LRRTM4: variants seen among roughly 807,000 people sequenced by gnomAD.
LRRTM4 encodes leucine rich repeat transmembrane neuronal 4, also known as leucine-rich repeat transmembrane neuronal protein 4.
A neutral mutation model predicts 47.6 loss-of-function variants in LRRTM4; 25 were observed. That is an observed-to-expected ratio of 0.53 (90% confidence interval 0.38 to 0.73). The LOEUF is 0.73. Among genes scored for constraint, LRRTM4 ranks in the 30% least tolerant of loss-of-function variants. The pLI is 0.00. For synonymous variants in LRRTM4, 311 were observed against 269.5 expected, an observed-to-expected ratio of 1.15 and a Z score of -1.51; for missense variants, 638 against 713.4, an observed-to-expected ratio of 0.89 and a Z score of 1.20.
chr2:76,954,243 G>A (rs1171311286), intron 3 of LRRTM4, among the ~76,000 whole-genome samples: 1 of 151,838 alleles, frequency 6.6e-6, no homozygotes, highest in Non-Finnish European at 1.5e-5. Flanking sequence ...TAGGGAAATA[G>A]ATGTATATAA....
intron 3 of LRRTM4, among the ~76,000 whole-genome samples, chr2:76,935,259 G>A (rs768790560): frequency 4.6e-5 from 7 of 152,112 alleles, no homozygotes; most frequent in Non-Finnish European, 8.8e-5. Flanking sequence ...CTCTAGCCTC[G>A]TAGTATAGTG....
At chr2:77,373,088 A>AATATATAT (rs1553435843) in intron 3 of LRRTM4, among the ~76,000 whole-genome samples, 3 of 140,370 alleles carry the variant, frequency 2.1e-5, no homozygotes, top group Non-Finnish European at 3.1e-5. Context: ...TTAAAAAAAA[A>AATATATAT]ATATATATAT....
rs116113274 is a variant in LRRTM4 at position 77,306,696 on chromosome 2, A to G, written c.1551+211622T>C. Among the ~76,000 whole-genome samples, 1,154 of 152,196 alleles carry G rather than the reference A, an allele frequency of 7.6e-3. 10 individuals are homozygous for G. Among genetic ancestry groups the G allele is most frequent in the African/African-American group, 0.027 (1,103 of 41,482 alleles). On this transcript the variant is annotated intron_variant, in intron 3 of 3. Transcript: ENST00000409884. ...AACAATTATATTTGAGGATGGGTTC[A>G]ATATATTGACCCTGACTTTCAAATA...
intron 3 of LRRTM4, among the ~76,000 whole-genome samples, chr2:77,289,132 C>A (rs1045040380): frequency 6.6e-6 from 1 of 151,884 alleles, no homozygotes; most frequent in African/African-American, 2.4e-5. Context: ...ATGAATTGGA[C>A]CTTGACCAAT....
chr2:77,507,812 C>CTTGTGTGTGTGTG (rs1320645097), intron 3 of LRRTM4, among the ~76,000 whole-genome samples: 13 of 152,080 alleles, frequency 8.5e-5, no homozygotes, highest in Non-Finnish European at 1.8e-4. Context: ...TCCAGAGTGG[C>CTTGTGTGTGTGTG]ATAGACCTGG....
intron 3 of LRRTM4, among the ~76,000 whole-genome samples, chr2:77,128,178 C>A (rs1440486487): frequency 3.3e-5 from 5 of 151,374 alleles, no homozygotes; most frequent in African/African-American, 9.7e-5. Flanking sequence ...TGTTTTTAAG[C>A]CTCAGAAACA....
intron 3 of LRRTM4, among the ~76,000 whole-genome samples, chr2:76,940,531 A>T (rs1456845778): frequency 6.6e-6 from 1 of 152,138 alleles, no homozygotes; most frequent in African/African-American, 2.4e-5. Context: ...AAAATAACGA[A>T]TGGGTACTAG....
At chr2:76,942,676 C>CTGTGTGTGTGTGTGTG (rs61077287) in intron 3 of LRRTM4, among the ~76,000 whole-genome samples, 1,521 of 148,290 alleles carry the variant, frequency 0.01, 21 homozygotes, top group African/African-American at 0.033. Context: ...CTCTAGGAAT[C>CTGTGTGTGTGTGTGTG]TGTGTGTGTG....
intron 3 of LRRTM4, among the ~76,000 whole-genome samples, chr2:76,764,555 C>T (rs1488958881): frequency 6.6e-6 from 1 of 152,136 alleles, no homozygotes; most frequent in African/African-American, 2.4e-5. Context: ...GGCATGAACC[C>T]GGGAGGCGGA....
At chr2:77,276,830 T>A (rs201921751) in intron 3 of LRRTM4, among the ~76,000 whole-genome samples, 1 of 150,482 alleles carries the variant, frequency 6.6e-6, no homozygotes, top group East Asian at 2.0e-4. Flanking sequence ...AAACTGAAAC[T>A]TTTGTCTTCT....
chr2:76,838,512 T>G (rs1238923807), intron 3 of LRRTM4, among the ~76,000 whole-genome samples: 1 of 152,060 alleles, frequency 6.6e-6, no homozygotes, highest in Non-Finnish European at 1.5e-5. Flanking sequence ...TATTCTGATT[T>G]TGTTATCTCA....
chr2:76,983,288 T>G (rs1676676666), intron 3 of LRRTM4, among the ~76,000 whole-genome samples: 1 of 152,014 alleles, frequency 6.6e-6, no homozygotes, highest in Admixed American at 6.6e-5. Flanking sequence ...AGTCACACAT[T>G]ATTAAACAGT....
intron 3 of LRRTM4, among the ~76,000 whole-genome samples, chr2:76,808,222 G>C (rs1197244996): frequency 6.6e-6 from 1 of 151,428 alleles, no homozygotes; most frequent in East Asian, 2.0e-4. Context: ...ATTTCATCAT[G>C]TTGGTCAGGC....
At chr2:76,843,557 A>G (rs1203146151) in intron 3 of LRRTM4, among the ~76,000 whole-genome samples, 1 of 152,212 alleles carries the variant, frequency 6.6e-6, no homozygotes, top group Non-Finnish European at 1.5e-5. Context: ...TGAATATTTC[A>G]TAATAACAAT....
chr2:77,397,734 C>A (rs1673757818), intron 3 of LRRTM4, among the ~76,000 whole-genome samples: 1 of 151,834 alleles, frequency 6.6e-6, no homozygotes, highest in Non-Finnish European at 1.5e-5. Context: ...TTCCCACGTG[C>A]TGGACTGAAT....
chr2:77,112,796 G>A (rs1671285245), intron 3 of LRRTM4, among the ~76,000 whole-genome samples: 1 of 152,034 alleles, frequency 6.6e-6, no homozygotes, highest in Non-Finnish European at 1.5e-5. Flanking sequence ...CGGCTTTGTG[G>A]GTCTCTGATC....
chr2:77,440,096 C>T (rs539035096), intron 3 of LRRTM4, among the ~76,000 whole-genome samples: 73 of 152,122 alleles, frequency 4.8e-4, no homozygotes, highest in African/African-American at 1.7e-3. Flanking sequence ...GAGTAACCTA[C>T]GAGTAGGCCA....
intron 3 of LRRTM4, among the ~76,000 whole-genome samples, chr2:77,203,331 C>G (rs1244036324): frequency 1.3e-5 from 2 of 152,124 alleles, no homozygotes; most frequent in Non-Finnish European, 2.9e-5. Flanking sequence ...ACCTTGACTC[C>G]TGGAGATGGA....
chr2:77,124,157 G>C (rs1194713769), intron 3 of LRRTM4, among the ~76,000 whole-genome samples: 1 of 152,006 alleles, frequency 6.6e-6, no homozygotes, highest in Non-Finnish European at 1.5e-5. Flanking sequence ...AATCATAGGA[G>C]GAATGGACAA....
Sources: allele counts gnomAD v4.1 joint callset (sites outside exome capture counted in the v4.1 genomes callset), GRCh38; gene constraint gnomAD v4.1.1; transcripts MANE v1.5; gene names NCBI Gene and HGNC (gene_info 2026-07-23, HGNC 2026-07-21).